The following AGBL5 variants were observed in gnomAD, a reference collection of about 807,000 sequenced individuals.
The protein encoded by AGBL5 is cytosolic carboxypeptidase-like protein 5.
AGBL5 carries 51 observed loss-of-function variants against 88.0 expected under a neutral mutation model. The ratio of observed to expected loss-of-function variants is 0.58; its 90% CI spans 0.46 to 0.73. AGBL5 has a LOEUF of 0.73. Among genes scored for constraint, AGBL5 ranks in the 30% least tolerant of loss-of-function variants. AGBL5 has a pLI of 0.00. For synonymous variants in AGBL5, 446 were observed against 438.8 expected, an observed-to-expected ratio of 1.02 and a Z score of -0.21; for missense variants, 1,031 against 1,162.2, an observed-to-expected ratio of 0.89 and a Z score of 1.64.
At chr2:27,050,837 C>T (rs1350469137), upstream of AGBL5, among the ~76,000 whole-genome samples, 3 of 152,172 alleles carry the variant, frequency 2.0e-5, no homozygotes, top group Admixed American at 6.5e-5. Context: ...GCGTGGCAAT[C>T]CTTAGGTCGC....
chr2:27,067,936 C>T (rs1203412235), intron 12 of AGBL5: 1 of 461,168 alleles, frequency 2.2e-6, no homozygotes, highest in Non-Finnish European at 4.1e-6. Flanking sequence ...CAAAATGCTA[C>T]TTATGCAAAT....
intron 11 of AGBL5, among the ~76,000 whole-genome samples, chr2:27,059,876 C>T (rs1314316074): frequency 2.6e-5 from 4 of 152,206 alleles, no homozygotes; most frequent in African/African-American, 9.6e-5. Context: ...GGGCTGGGTG[C>T]AGTGGCTCAT....
At chr2:27,063,551 C>T (rs572564234) in intron 11 of AGBL5, among the ~76,000 whole-genome samples, 1 of 149,596 alleles carries the variant, frequency 6.7e-6, no homozygotes, top group South Asian at 2.1e-4. Flanking sequence ...GCCCAGATCG[C>T]GCTACTGCAC....
In AGBL5 at chr2:27,069,662, G is replaced by A. The variant is rs781731263; in HGVS notation, c.2445G>A (p.Arg815=). The change falls in exon 14 of 15, where the codon AGG becomes AGA. Residue 815 remains arginine (R), a synonymous_variant. Coordinates refer to ENST00000360131, the MANE Select transcript of AGBL5 (RefSeq NM_021831.6). The part of the protein sequence containing the change: ...SGPTSPTPRT[R]ESSELELGSC... ...CCACATCCCCTACCCCCCGGACCAG[G>A]GAGAGCAGTGAGCTGGAGCTGGGAT... The A allele has an allele frequency of 1.2e-6, 2 of 1,614,112 alleles. No homozygotes were observed. The highest frequency in any genetic ancestry group is 2.2e-5 in the South Asian group (2 of 91,082).
chr2:27,058,315 C>CGGAA, intron 9 of AGBL5, 85 bp from the exon 10 acceptor site: 1 of 1,488,288 alleles, frequency 6.7e-7, no homozygotes, highest in Non-Finnish European at 9.4e-7. Context: ...CCCCTCCTTC[C>CGGAA]CTTCCACTGT....
chr2:27,063,796 G>T (rs1465687875), intron 11 of AGBL5, among the ~76,000 whole-genome samples: 2 of 152,132 alleles, frequency 1.3e-5, no homozygotes, highest in Non-Finnish European at 2.9e-5. Context: ...CACCCATTCT[G>T]ACTCATTCAA....
Position 27,059,319 on chromosome 2 carries a change from T to C in AGBL5, c.2004T>C (p.Pro668=), listed in dbSNP as rs772884646. ...SPQMKNSPSF[P]FHGSRPAGLP... is the part of the protein sequence containing the mutation. ...AGATGAAGAATTCCCCCAGCTTTCC[T>C]TTTCATGGCAGTCGGCCTGCAGGGC... Residue 668 remains proline, a synonymous_variant, in exon 11 of 15, where the codon CCT becomes CCC. Transcript: ENST00000360131. The C allele has an allele frequency of 6.2e-7, 1 of 1,614,204 alleles. No individual in the cohort carries two copies. The highest frequency in any genetic ancestry group is 8.5e-7 in the Non-Finnish European group (1 of 1,180,038).
Position 27,055,706 on chromosome 2 carries a change from G to C in AGBL5, c.933G>C (p.Leu311=), listed in dbSNP as rs1668391805. The C allele has an allele frequency of 1.9e-6, 3 of 1,613,772 alleles. No individual in the cohort carries two copies. In the East Asian group the frequency reaches 6.7e-5, roughly 36 times the overall value. The change falls in exon 7 of 15, where the codon CTG becomes CTC. Residue 311 remains leucine, a synonymous_variant. Transcript: ENST00000360131. ...HYRTDSRGVN[L]NRQYLKPDAV... is the part of the protein sequence containing the mutation. ...GCACAGACTCACGTGGAGTGAATCT[G>C]AACCGTCAGTACCTGAAGCCTGATG...
chr2:27,066,048 C>T (rs1668969366), intron 11 of AGBL5, among the ~76,000 whole-genome samples: 11 of 152,196 alleles, frequency 7.2e-5, no homozygotes, highest in African/African-American at 2.4e-4. Context: ...CGCTTGAGCC[C>T]ATGAGTTCCA....
intron 12 of AGBL5, 179 bp downstream of exon 12, chr2:27,067,825 AAT>A: frequency 1.2e-5 from 9 of 728,216 alleles, no homozygotes; most frequent in Non-Finnish European, 2.2e-5. Context: ...GTAATAAAAC[AAT>A]AGTTAACATT....
At chr2:27,050,603 A>C (rs1418106365), upstream of AGBL5, among the ~76,000 whole-genome samples, 1 of 152,156 alleles carries the variant, frequency 6.6e-6, no homozygotes, top group Non-Finnish European at 1.5e-5. Context: ...TGGCCTGAGA[A>C]CCCGGACTTT....
At position 27,055,677 on chromosome 2, in the gene AGBL5, T is replaced by C. The variant is rs745744385; in HGVS notation, c.909-5T>C. On this transcript the variant is annotated splice_region_variant and splice_polypyrimidine_tract_variant and intron_variant, in intron 6 of 14. Transcript: ENST00000360131. The stretch of plus-strand genomic sequence containing the variant: ...GAACCTGCTTCAGTCCTTGTTTTCC[T>C]ACAGCACAGACTCACGTGGAGTGAA... 6.2e-7 allele frequency: 1 copy of C among 1,609,498 alleles called. No homozygotes were observed. The highest frequency in any genetic ancestry group is 8.5e-7 in the Non-Finnish European group (1 of 1,176,718).
At chr2:27,055,407 A>T (rs1668377850) in intron 6 of AGBL5, 154 bp downstream of exon 6, 4 of 1,126,068 alleles carry the variant, frequency 3.6e-6, no homozygotes, top group Non-Finnish European at 1.3e-6. Context: ...AAAGCATGAG[A>T]TCATATCTAG....
intron 7 of AGBL5, 196 bp downstream of exon 7, chr2:27,056,334 CT>C: frequency 1.6e-6 from 1 of 636,634 alleles, no homozygotes; most frequent in Non-Finnish European, 2.6e-6. Context: ...ACATCATGAC[CT>C]TTTATTAAGG....
chr2:27,051,251 T>G (rs1037494595), upstream of AGBL5, among the ~76,000 whole-genome samples: 1 of 152,210 alleles, frequency 6.6e-6, no homozygotes, highest in Admixed American at 6.5e-5. Flanking sequence ...TCGCTTAGCA[T>G]GCGAGAGGTA....
chr2:27,069,866 C>A, intron 14 of AGBL5, 160 bp downstream of exon 14: 1 of 985,320 alleles, frequency 1.0e-6, no homozygotes, highest in Non-Finnish European at 1.2e-6. Context: ...TTTTCCCCCA[C>A]CATGGCCAAG....
Position 27,055,224 on chromosome 2 carries a change from C to T in AGBL5, c.879C>T (p.Asn293=). 1 of 1,614,212 alleles carries T rather than the reference C, an allele frequency of 6.2e-7. No homozygotes were observed. The highest frequency in any genetic ancestry group is 1.1e-5 in the South Asian group (1 of 91,088). ...LFVFKLIPML[N]PDGVVRGHYR... is the part of the protein sequence containing the mutation. ...TCTTTAAGCTGATTCCCATGTTGAA[C>T]CCCGATGGTGTGGTCCGGGGACACT... The change falls in exon 6 of 15, where the codon AAC becomes AAT. Residue 293 remains asparagine (N), a synonymous_variant. Coordinates refer to ENST00000360131, the MANE Select transcript of AGBL5 (RefSeq NM_021831.6).
chr2:27,052,844 A>C, intron 1 of AGBL5, 69 bp from the exon 2 acceptor site: 34 of 901,686 alleles, frequency 3.8e-5, no homozygotes, highest in Non-Finnish European at 4.5e-5. Flanking sequence ...TTATTTATCA[A>C]GAGATACCCA....
At position 27,053,679 on chromosome 2, in the gene AGBL5, G is replaced by A. The variant is rs1668289849; in HGVS notation, c.387+106G>A. ...CAAGTATGAAGCAGGTGGGACAACA[G>A]GTTTAAGTATCAGCTTTTTCTCCAG... On this transcript the variant is annotated intron_variant, in intron 3 of 14. Transcript: ENST00000360131. This position sits in a 1 kb window ranked among gnomAD's most constrained non-coding sequence, Gnocchi z 4.9. 17 of 1,450,804 alleles carry A rather than the reference G, an allele frequency of 1.2e-5. No homozygotes were observed. Among genetic ancestry groups the A allele is most frequent in the African/African-American group, 1.4e-5 (1 of 70,050 alleles). 89.9% of individuals were successfully genotyped at this position (1,450,804 alleles called of 1,614,324 possible).
Sources: allele counts gnomAD v4.1 joint callset (sites outside exome capture counted in the v4.1 genomes callset), GRCh38; gene constraint gnomAD v4.1.1; non-coding constraint Gnocchi (gnomAD v3.1); transcripts MANE v1.5; gene names NCBI Gene and HGNC (gene_info 2026-07-23, HGNC 2026-07-21).